ZBTB20: variants seen among roughly 807,000 people sequenced by gnomAD.
ZBTB20 encodes zinc finger and BTB domain-containing protein 20.
ZBTB20 carries 9 observed loss-of-function variants against 56.9 expected under a neutral mutation model. The ratio of observed to expected loss-of-function variants is 0.16; its 90% CI spans 0.10 to 0.28. The LOEUF is 0.28. Ranked by LOEUF, ZBTB20 falls within the 10% of genes least tolerant of loss-of-function variation. The pLI is 1.00. For synonymous variants in ZBTB20, 417 were observed against 420.7 expected, an observed-to-expected ratio of 0.99 and a Z score of 0.11; for missense variants, 655 against 1,003.0, an observed-to-expected ratio of 0.65 and a Z score of 4.69.
At chr3:114,561,363 C>T (rs924787730) in intron 6 of ZBTB20, among the ~76,000 whole-genome samples, 1 of 152,112 alleles carries the variant, frequency 6.6e-6, no homozygotes, top group Non-Finnish European at 1.5e-5. Context: ...TTTACTTTGC[C>T]TATGTCGATG....
chr3:114,591,502 A>C (rs2055758925), intron 6 of ZBTB20, among the ~76,000 whole-genome samples: 1 of 152,194 alleles, frequency 6.6e-6, no homozygotes, highest in South Asian at 2.1e-4. Context: ...TTACATGTCT[A>C]TTATTTCAGA....
At chr3:114,543,253 T>C (rs985070471) in intron 6 of ZBTB20, among the ~76,000 whole-genome samples, 5 of 151,962 alleles carry the variant, frequency 3.3e-5, no homozygotes, top group East Asian at 1.9e-4. Flanking sequence ...TTTTGGTATA[T>C]TGTTATTTTT....
intron 4 of ZBTB20, chr3:114,873,844 T>C (rs2076098015): frequency 1.3e-5 from 2 of 152,168 alleles, no homozygotes; most frequent in Admixed American, 1.3e-4. Flanking sequence ...TCTATTTCTT[T>C]CCAGACTCTC....
intron 6 of ZBTB20, among the ~76,000 whole-genome samples, chr3:114,685,496 G>A (rs1032993320): frequency 3.3e-5 from 5 of 152,198 alleles, no homozygotes; most frequent in East Asian, 1.9e-4. Flanking sequence ...GCTCTGCTAC[G>A]CAATGTGCAG....
At chr3:115,029,695 C>G (rs940641738) in intron 2 of ZBTB20, among the ~76,000 whole-genome samples, 2 of 150,366 alleles carry the variant, frequency 1.3e-5, no homozygotes, top group Non-Finnish European at 3.0e-5. Context: ...ATATTTAGAA[C>G]AGAGTAAATT....
intron 6 of ZBTB20, among the ~76,000 whole-genome samples, chr3:114,655,413 CG>C (rs1205872414): frequency 6.6e-6 from 1 of 150,682 alleles, no homozygotes; most frequent in African/African-American, 2.4e-5. Flanking sequence ...CCACCGCGCC[CG>C]GCTAATTTTT....
At chr3:114,751,139 T>C (rs2067528553) in intron 5 of ZBTB20, among the ~76,000 whole-genome samples, 1 of 152,162 alleles carries the variant, frequency 6.6e-6, no homozygotes, top group African/African-American at 2.4e-5. Context: ...TATCAATACA[T>C]ACAAATCATA....
At chr3:114,840,445 C>A (rs996021095) in intron 4 of ZBTB20, among the ~76,000 whole-genome samples, 4 of 152,236 alleles carry the variant, frequency 2.6e-5, no homozygotes, top group African/African-American at 9.6e-5. Context: ...CTATTCATGT[C>A]ATTTCAAATA....
chr3:115,134,526 G>T (rs2084602270), intron 1 of ZBTB20, among the ~76,000 whole-genome samples: 1 of 150,796 alleles, frequency 6.6e-6, no homozygotes, highest in African/African-American at 2.4e-5. Flanking sequence ...TTATATGCTT[G>T]GATACATTTC....
At chr3:115,104,859 T>A (rs1193700193) in intron 1 of ZBTB20, among the ~76,000 whole-genome samples, 4 of 152,156 alleles carry the variant, frequency 2.6e-5, no homozygotes, top group Non-Finnish European at 4.4e-5. Context: ...ACTATGGGCC[T>A]GGAGTAATAA....
At position 114,331,056 on chromosome 3, in the gene ZBTB20, C is replaced by T. The variant is rs1271411780; in HGVS notation, c.*7949G>A. 2.0e-5 allele frequency: 3 copies of T among 152,052 alleles called. No homozygotes were observed. Among genetic ancestry groups the T allele is most frequent in the Admixed American group, 6.6e-5 (1 of 15,248 alleles). The allele number at this position is 152,052 out of a possible 1,614,324, so 9.4% of individuals were successfully genotyped here. ...CACAGTTTGTGAATTACGATGATAT[C>T]TTGTGAGTACAGGCAGAATTAGGAA... is the stretch of plus-strand genomic sequence containing the variant. On this transcript the variant is annotated 3_prime_UTR_variant, in exon 12 of 12. Transcript: ENST00000675478.
intron 7 of ZBTB20, among the ~76,000 whole-genome samples, chr3:114,418,599 T>A (rs1452441919): frequency 2.3e-5 from 3 of 133,306 alleles, no homozygotes; most frequent in Admixed American, 7.3e-5. Context: ...AAAAAAAAAA[T>A]CAAGCAGTGA....
intron 7 of ZBTB20, among the ~76,000 whole-genome samples, chr3:114,486,149 G>T (rs1292095205): frequency 1.3e-5 from 1 of 75,822 alleles, no homozygotes; most frequent in Non-Finnish European, 3.0e-5. Context: ...GGGGGGGGGG[G>T]CGGTGTATGA....
At chr3:114,445,104 A>G (rs1168161070) in intron 7 of ZBTB20, among the ~76,000 whole-genome samples, 1 of 152,200 alleles carries the variant, frequency 6.6e-6, no homozygotes, top group Non-Finnish European at 1.5e-5. Context: ...ACTTCAAACA[A>G]TAGCATAACA....
At chr3:114,905,481 C>A (rs1395286626) in intron 3 of ZBTB20, among the ~76,000 whole-genome samples, 1 of 151,810 alleles carries the variant, frequency 6.6e-6, no homozygotes, top group Non-Finnish European at 1.5e-5. Context: ...TGGGGACCAG[C>A]ATTTGTATCT....
intron 1 of ZBTB20, among the ~76,000 whole-genome samples, chr3:115,131,640 A>G (rs1176837170): frequency 6.6e-6 from 1 of 152,208 alleles, no homozygotes; most frequent in African/African-American, 2.4e-5. Flanking sequence ...CAAAAATGAG[A>G]CTGCCAGGTT....
chr3:114,537,625 C>T (rs1242246317), intron 6 of ZBTB20, among the ~76,000 whole-genome samples: 1 of 152,108 alleles, frequency 6.6e-6, no homozygotes, highest in Non-Finnish European at 1.5e-5. Context: ...ACCCAGCGAT[C>T]CCATTACTGA....
At chr3:114,424,739 C>G (rs924631229) in intron 7 of ZBTB20, among the ~76,000 whole-genome samples, 3 of 152,086 alleles carry the variant, frequency 2.0e-5, no homozygotes, top group African/African-American at 7.2e-5. Flanking sequence ...TTAGGTGAAA[C>G]TTAGGAGGTC....
chr3:114,546,411 A>G (rs1426993087), intron 6 of ZBTB20, among the ~76,000 whole-genome samples: 1 of 152,186 alleles, frequency 6.6e-6, no homozygotes, highest in African/African-American at 2.4e-5. Context: ...TTTACATGGT[A>G]GAACACATCT....
Sources: allele counts gnomAD v4.1 joint callset (sites outside exome capture counted in the v4.1 genomes callset), GRCh38; gene constraint gnomAD v4.1.1; transcripts MANE v1.5; gene names NCBI Gene and HGNC (gene_info 2026-07-23, HGNC 2026-07-21).